The following CTNNA3 variants were observed in gnomAD, a reference collection of about 807,000 sequenced individuals.
CTNNA3 encodes catenin alpha 3, also known as catenin alpha-3.
In CTNNA3, 76 loss-of-function variants were observed where a neutral mutation model predicts 95.7. That is an observed-to-expected ratio of 0.79 (90% CI 0.66 to 0.96). CTNNA3 has a LOEUF of 0.96. CTNNA3 is among the 40% of genes least tolerant of loss of function. The pLI is 0.00. For synonymous variants in CTNNA3, 431 were observed against 374.4 expected, an observed-to-expected ratio of 1.15 and a Z score of -1.74; for missense variants, 1,191 against 1,089.8, an observed-to-expected ratio of 1.09 and a Z score of -1.31.
chr10:66,676,842 T>A (rs1287511694), intron 9 of CTNNA3, among the ~76,000 whole-genome samples: 1 of 152,124 alleles, frequency 6.6e-6, no homozygotes, highest in Non-Finnish European at 1.5e-5. Flanking sequence ...CTGGCCCACA[T>A]GCCTTCATTT....
At chr10:67,384,043 C>A (rs1844050052) in intron 5 of CTNNA3, among the ~76,000 whole-genome samples, 1 of 152,160 alleles carries the variant, frequency 6.6e-6, no homozygotes, top group African/African-American at 2.4e-5. Flanking sequence ...TAAGATAAAT[C>A]TACACTAGCG....
chr10:67,240,585 A>G (rs1161325321), intron 5 of CTNNA3, among the ~76,000 whole-genome samples: 4 of 152,184 alleles, frequency 2.6e-5, no homozygotes, highest in Admixed American at 1.3e-4. Flanking sequence ...CCCATTTGTC[A>G]TTTCATAGAA....
intron 7 of CTNNA3, among the ~76,000 whole-genome samples, chr10:66,890,026 A>G (rs1845205152): frequency 6.6e-6 from 1 of 152,076 alleles, no homozygotes; most frequent in African/African-American, 2.4e-5. Context: ...CCTGACCTCA[A>G]GTGATCCACC....
intron 10 of CTNNA3, among the ~76,000 whole-genome samples, chr10:66,566,518 AG>A (rs1842710664): frequency 6.6e-6 from 1 of 152,228 alleles, no homozygotes; most frequent in Non-Finnish European, 1.5e-5. Context: ...CAAACGCAAA[AG>A]CAATTTTCAT....
chr10:67,758,277 T>C (rs1160928389), intron 1 of CTNNA3, among the ~76,000 whole-genome samples: 1 of 147,716 alleles, frequency 6.8e-6, no homozygotes, highest in African/African-American at 2.5e-5. Flanking sequence ...TCTCCTCATG[T>C]GTATATGTAT....
intron 6 of CTNNA3, among the ~76,000 whole-genome samples, chr10:67,214,808 TAATC>T (rs1864280599): frequency 6.6e-6 from 1 of 152,020 alleles, no homozygotes; most frequent in Non-Finnish European, 1.5e-5. Context: ...CATTCACAGA[TAATC>T]AGTCATCATT....
At chr10:66,822,236 G>A (rs937604234) in intron 7 of CTNNA3, among the ~76,000 whole-genome samples, 26 of 151,442 alleles carry the variant, frequency 1.7e-4, no homozygotes, top group African/African-American at 4.8e-4. Flanking sequence ...GTGATTCTAC[G>A]GATGACAAAT....
chr10:67,484,160 C>A (rs1848355884), intron 5 of CTNNA3, among the ~76,000 whole-genome samples: 1 of 151,932 alleles, frequency 6.6e-6, no homozygotes, highest in South Asian at 2.1e-4. Context: ...AATAGAGAGC[C>A]CAGAATCAAA....
rs1253199084 is a variant in CTNNA3 at position 67,465,413 on chromosome 10, A to G, written c.579+56429T>C. Among the ~76,000 whole-genome samples, 3 of 152,120 alleles carry G rather than the reference A, an allele frequency of 2.0e-5. No individual in the cohort carries two copies. In the South Asian group the frequency reaches 6.2e-4, roughly 31 times the overall value. On this transcript the variant is annotated intron_variant, in intron 5 of 17. Coordinates refer to ENST00000433211, the MANE Select transcript of CTNNA3 (RefSeq NM_013266.4). The stretch of plus-strand genomic sequence containing the variant: ...GTTTGTATATTCTAGATTATAGACG[A>G]GGAAAGGAAAGGAAAAGAGAGGAAA...
intron 10 of CTNNA3, among the ~76,000 whole-genome samples, chr10:66,615,335 AG>A (rs1296061843): frequency 3.3e-5 from 5 of 152,020 alleles, no homozygotes; most frequent in African/African-American, 1.2e-4. Context: ...CACTACAAAA[AG>A]ATCAATTATT....
At chr10:66,964,417 A>T (rs1292644825) in intron 7 of CTNNA3, among the ~76,000 whole-genome samples, 1 of 152,154 alleles carries the variant, frequency 6.6e-6, no homozygotes, top group Non-Finnish European at 1.5e-5. Context: ...AAACTGGCAC[A>T]AAAGTACTGT....
At chr10:65,948,362 A>G (rs990724889) in intron 17 of CTNNA3, among the ~76,000 whole-genome samples, 16 of 152,114 alleles carry the variant, frequency 1.1e-4, no homozygotes, top group African/African-American at 3.6e-4. Flanking sequence ...TAGGTGCTCA[A>G]TGTCTACACA....
intron 6 of CTNNA3, among the ~76,000 whole-genome samples, chr10:67,210,177 T>G (rs1310708551): frequency 2.0e-5 from 3 of 151,844 alleles, no homozygotes; most frequent in South Asian, 4.2e-4. Context: ...CATGATGGCA[T>G]GCACCTGTAG....
At chr10:67,079,660 C>T (rs977836759) in intron 7 of CTNNA3, among the ~76,000 whole-genome samples, 30 of 151,900 alleles carry the variant, frequency 2.0e-4, no homozygotes, top group African/African-American at 7.0e-4. Flanking sequence ...CCAGCCTGGC[C>T]AATATAGTGA....
chr10:66,602,886 A>C (rs544590185), intron 10 of CTNNA3, among the ~76,000 whole-genome samples: 3 of 152,222 alleles, frequency 2.0e-5, no homozygotes, highest in African/African-American at 4.8e-5. Flanking sequence ...CTTTTGATAA[A>C]ATTCCATATC....
At chr10:67,192,967 C>A (rs770953007) in intron 6 of CTNNA3, among the ~76,000 whole-genome samples, 8 of 151,958 alleles carry the variant, frequency 5.3e-5, no homozygotes, top group East Asian at 3.9e-4. Context: ...TGTGGATGAA[C>A]CTGGAGGGCA....
At chr10:67,704,470 C>T (rs1283788977) in intron 1 of CTNNA3, among the ~76,000 whole-genome samples, 2 of 152,232 alleles carry the variant, frequency 1.3e-5, no homozygotes, top group South Asian at 2.1e-4. Flanking sequence ...AGAAATAACG[C>T]CACATATCTA....
chr10:67,579,687 C>G (rs1027663427), intron 3 of CTNNA3, among the ~76,000 whole-genome samples: 7 of 152,192 alleles, frequency 4.6e-5, no homozygotes, highest in African/African-American at 9.7e-5. Context: ...AAAAGTGTTC[C>G]TATTTCTCCA....
chr10:66,201,335 T>C (rs1488537594), intron 13 of CTNNA3, among the ~76,000 whole-genome samples: 1 of 152,174 alleles, frequency 6.6e-6, no homozygotes, highest in Non-Finnish European at 1.5e-5. Flanking sequence ...ATCCTGAATC[T>C]TTCCTACCAC....
Sources: allele counts gnomAD v4.1 joint callset (sites outside exome capture counted in the v4.1 genomes callset), GRCh38; gene constraint gnomAD v4.1.1; transcripts MANE v1.5; gene names NCBI Gene and HGNC (gene_info 2026-07-23, HGNC 2026-07-21).